Variants in ZBTB4 observed in about 807,000 individuals in gnomAD.
The protein encoded by ZBTB4 is zinc finger and BTB domain-containing protein 4.
ZBTB4 carries 14 observed loss-of-function variants against 59.8 expected under a neutral mutation model. That is an observed-to-expected ratio of 0.23 (90% confidence interval 0.15 to 0.37). The LOEUF is 0.37. Among genes scored for constraint, ZBTB4 ranks in the 10% least tolerant of loss-of-function variants. ZBTB4 has a pLI of 1.00. For missense variants in ZBTB4, 1,198 were observed against 1,380.8 expected (o/e 0.87, Z 2.10); for synonymous variants, 587 against 575.2 (o/e 1.02, Z -0.29).
intron 1 of ZBTB4, among the ~76,000 whole-genome samples, chr17:7,474,220 C>CCTTTTT (rs2070237735): frequency 8.6e-6 from 1 of 116,118 alleles, no homozygotes; most frequent in Non-Finnish European, 1.7e-5. Context: ...CATGGCCAGA[C>CCTTTTT]TTTTTTTTTT....
intron 1 of ZBTB4, among the ~76,000 whole-genome samples, chr17:7,472,009 T>G (rs2070203748): frequency 6.6e-6 from 1 of 152,146 alleles, no homozygotes; most frequent in Non-Finnish European, 1.5e-5. Flanking sequence ...CCCTACATCT[T>G]GCGGTTCCCT....
chr17:7,479,901 C>T (rs944871204), upstream of ZBTB4, among the ~76,000 whole-genome samples: 1 of 152,066 alleles, frequency 6.6e-6, no homozygotes, highest in Middle Eastern at 3.4e-3. Flanking sequence ...AGGGAAAGGG[C>T]TCCCTCCGCC....
At position 7,461,601 on chromosome 17, in the gene ZBTB4, T is replaced by G; in HGVS notation, c.*339A>C. The G allele has an allele frequency of 4.5e-6, 1 of 221,024 alleles. No individual in the cohort carries two copies. The highest frequency in any genetic ancestry group is 8.9e-6 in the Non-Finnish European group (1 of 112,410). The allele number at this position is 221,024 out of a possible 1,614,324, so 13.7% of individuals were successfully genotyped here. On this transcript the variant is annotated 3_prime_UTR_variant, in exon 4 of 4. Coordinates refer to ENST00000380599, the MANE Select transcript of ZBTB4 (RefSeq NM_001128833.2). ...TAGGTTTACGAATCAGGGGAGCAGGTTAGACATTCAGAGCTGGTGGGGGCT... is the reference window on the plus strand; with the variant it reads ...TAGGTTTACGAATCAGGGGAGCAGGGTAGACATTCAGAGCTGGTGGGGGCT...
At chr17:7,468,443 A>G (rs1281836468) in intron 1 of ZBTB4, among the ~76,000 whole-genome samples, 1 of 152,158 alleles carries the variant, frequency 6.6e-6, no homozygotes, top group Non-Finnish European at 1.5e-5. Context: ...AGTCAGCAGC[A>G]GAGAAAGCAC....
chr17:7,469,865 C>T (rs975310031), intron 1 of ZBTB4, among the ~76,000 whole-genome samples: 2 of 152,102 alleles, frequency 1.3e-5, no homozygotes, highest in African/African-American at 4.8e-5. Context: ...GGGTGGATCG[C>T]GAGGTCAAGA....
Position 7,462,901 on chromosome 17 carries a change from C to T in ZBTB4, c.2081G>A (p.Arg694Gln), listed in dbSNP as rs536198111. The change falls in exon 4 of 4, where the codon CGG becomes CAG. Residue 694 changes from arginine (R) to glutamine (Q), a missense_variant. Coordinates refer to ENST00000380599, the MANE Select transcript of ZBTB4 (RefSeq NM_001128833.2). This position sits in a 1 kb window ranked among gnomAD's most constrained non-coding sequence, Gnocchi z 7.5. ...CAGCTTCTGCCTCCAACGTGGTGGC[C>T]GGCGGCCTCGGGGCAGCCCACTGCC... ...VGGSGLPRGR[R>Q]PPRWRQKLER... 6.2e-6 allele frequency: 10 copies of T among 1,608,504 alleles called. No homozygotes were observed. The highest frequency in any genetic ancestry group is 8.5e-6 in the Non-Finnish European group (10 of 1,179,804).
chr17:7,463,780 G>A lies in ZBTB4; in HGVS notation c.1202C>T (p.Pro401Leu), dbSNP rs759338954. The part of the protein sequence containing the change: ...SPGLLASEKT[P>L]NGGYKPKLNT... ...GAGCTTGGGCTTGTAGCCTCCATTGGGTGTCTTCTCACTGGCAAGGAGGCC... is the reference window on the plus strand; with the variant it reads ...GAGCTTGGGCTTGTAGCCTCCATTGAGTGTCTTCTCACTGGCAAGGAGGCC... Residue 401 changes from proline (P) to leucine (L), a missense_variant, in exon 4 of 4, where the codon CCC becomes CTC. Pro to Leu is a moderately conservative substitution (Grantham distance 98, BLOSUM62 -3). Transcript: ENST00000380599. 6.2e-7 allele frequency: 1 copy of A among 1,614,138 alleles called. No homozygotes were observed. Among genetic ancestry groups the A allele is most frequent in the Non-Finnish European group, 8.5e-7 (1 of 1,180,024 alleles).
Position 7,462,940 on chromosome 17 carries a change from C to T in ZBTB4, c.2042G>A (p.Gly681Asp). The T allele has an allele frequency of 6.2e-7, 1 of 1,608,880 alleles. No homozygotes were observed. The highest frequency in any genetic ancestry group is 8.5e-7 in the Non-Finnish European group (1 of 1,178,540). ...KPKRKAGAAG[G>D]ASVGGSGLPR... ...CAGCCCACTGCCCCCCACACTGGCA[C>T]CTCCAGCAGCTCCAGCCTTGCGCTT... is the stretch of plus-strand genomic sequence containing the variant. The change falls in exon 4 of 4, where the codon GGT becomes GAT. Residue 681 changes from glycine (G) to aspartate (D), a missense_variant. Coordinates refer to ENST00000380599, the MANE Select transcript of ZBTB4 (RefSeq NM_001128833.2). The surrounding 1 kb of genome is among the most constrained non-coding windows in gnomAD (Gnocchi z 7.5).
intron 2 of ZBTB4, 124 bp downstream of exon 2, chr17:7,467,133 A>G (rs2150856238): frequency 1.8e-6 from 2 of 1,141,240 alleles, no homozygotes; most frequent in Non-Finnish European, 2.2e-6. Flanking sequence ...AAGGAGGAGG[A>G]AGCTCCACAA....
chr17:7,466,165 A>T lies in ZBTB4; in HGVS notation c.637T>A (p.Trp213Arg). ...FGPGPRPAGE[W>R]EGDRAEAQAP... ...TGGGCCTCAGCCCTGTCACCCTCCCACTCCCCAGCTGGCCTGGGCCCGGGC... is the reference window on the plus strand; with the variant it reads ...TGGGCCTCAGCCCTGTCACCCTCCCTCTCCCCAGCTGGCCTGGGCCCGGGC... Residue 213 changes from tryptophan to arginine, a missense_variant, in exon 3 of 4, where the codon TGG (tryptophan) becomes AGG (arginine). Transcript: ENST00000380599. This position sits in a 1 kb window ranked among gnomAD's most constrained non-coding sequence, Gnocchi z 9.1. 6.2e-7 allele frequency: 1 copy of T among 1,612,312 alleles called. No individual in the cohort carries two copies. The highest frequency in any genetic ancestry group is 8.5e-7 in the Non-Finnish European group (1 of 1,179,654).
chr17:7,463,460 T>A lies in ZBTB4; in HGVS notation c.1522A>T (p.Ile508Phe), dbSNP rs781382920. 2.0e-5 allele frequency: 31 copies of A among 1,540,428 alleles called. No individual in the cohort carries two copies. Among genetic ancestry groups the A allele is most frequent in the Non-Finnish European group, 2.4e-5 (27 of 1,143,206 alleles). ...GGCCTCGGGGGAGCAGTGTAAGTGA[T>A]AACCGAGGCAGCTTGGGACCCTCCT... ...STGGSQAASVITYTAPPRPPK... is the reference protein window; with the variant it reads ...STGGSQAASVFTYTAPPRPPK... Residue 508 changes from isoleucine (I) to phenylalanine (F), a missense_variant, in exon 4 of 4, where the codon ATC (isoleucine) becomes TTC (phenylalanine). Physicochemically the swap from Ile to Phe is conservative, Grantham distance 21. This residue lies in a region of ZBTB4 where 550 missense variants were observed against 541.8 expected (regional missense o/e 1.02). Coordinates refer to ENST00000380599, the MANE Select transcript of ZBTB4 (RefSeq NM_001128833.2).
chr17:7,466,956 T>A lies in ZBTB4; in HGVS notation c.-9-146A>T. The stretch of plus-strand genomic sequence containing the variant: ...CACTTCTGGTCACAGAAGTCAGGGG[T>A]TGGCCCTTAGCCACCCAAGTCTGGC... On this transcript the variant is annotated intron_variant, in intron 2 of 3. Coordinates refer to ENST00000380599, the MANE Select transcript of ZBTB4 (RefSeq NM_001128833.2). The surrounding 1 kb of genome is among the most constrained non-coding windows in gnomAD (Gnocchi z 9.1). The A allele has an allele frequency of 7.2e-7, 1 of 1,396,768 alleles. No homozygotes were observed. The highest frequency in any genetic ancestry group is 9.4e-7 in the Non-Finnish European group (1 of 1,067,510). The allele number at this position is 1,396,768 out of a possible 1,614,324, so 86.5% of individuals were successfully genotyped here.
intron 3 of ZBTB4, among the ~76,000 whole-genome samples, chr17:7,464,597 G>C (rs1384984190): frequency 2.0e-5 from 3 of 151,970 alleles, no homozygotes; most frequent in Non-Finnish European, 4.4e-5. Flanking sequence ...CAGCACTTTG[G>C]GAGGCTGAGG....
At chr17:7,471,416 G>A (rs939664337) in intron 1 of ZBTB4, among the ~76,000 whole-genome samples, 1 of 152,088 alleles carries the variant, frequency 6.6e-6, no homozygotes, top group East Asian at 1.9e-4. Context: ...TACTTATGAT[G>A]TGCAAAGTAT....
chr17:7,466,791 G>T lies in ZBTB4; in HGVS notation c.11C>A (p.Pro4His). 1 of 1,555,652 alleles carries T rather than the reference G, an allele frequency of 6.4e-7. No homozygotes were observed. Among genetic ancestry groups the T allele is most frequent in the East Asian group, 2.3e-5 (1 of 43,142 alleles). ...ATGGGACGGGTCCGTCACCTCTGCA[G>T]GGGGGGGCATGGTGCCAGCCTAGAC... The part of the protein sequence containing the change: MPP[P>H]AEVTDPSHAP... Residue 4 changes from proline (P) to histidine (H), a missense_variant, in exon 3 of 4, where the codon CCT (proline) becomes CAT (histidine). Around this residue, in one of 9 missense-constraint regions of ZBTB4, gnomAD observed 44 missense variants for 86.2 expected, o/e 0.51. Coordinates refer to ENST00000380599, the MANE Select transcript of ZBTB4 (RefSeq NM_001128833.2). This position sits in a 1 kb window ranked among gnomAD's most constrained non-coding sequence, Gnocchi z 9.1.
At position 7,461,850 on chromosome 17, in the gene ZBTB4, C is replaced by T. The variant is rs2070024501; in HGVS notation, c.*90G>A. On this transcript the variant is annotated 3_prime_UTR_variant, in exon 4 of 4. Coordinates refer to ENST00000380599, the MANE Select transcript of ZBTB4 (RefSeq NM_001128833.2). ...GTCCCTGCACAAGAGTGTGAAGGGG[C>T]TCCCAAGGGGCAGGGAGGCCAGGGA... 1 of 1,237,774 alleles carries T rather than the reference C, an allele frequency of 8.1e-7. No individual in the cohort carries two copies. The highest frequency in any genetic ancestry group is 1.1e-6 in the Non-Finnish European group (1 of 889,918). The allele number at this position is 1,237,774 out of a possible 1,614,324, so 76.7% of individuals were successfully genotyped here.
rs963288073 is a variant in ZBTB4 at position 7,473,999 on chromosome 17, C to T, written c.-81+5457G>A. ...ATGATCTCTCTCGGCTCACTGCAAC[C>T]TCTGCCTCCTGGGTTCAAGCAATTT... is the stretch of plus-strand genomic sequence containing the variant. On this transcript the variant is annotated intron_variant, in intron 1 of 3. Coordinates refer to ENST00000380599, the MANE Select transcript of ZBTB4 (RefSeq NM_001128833.2). 2.6e-5 allele frequency among the ~76,000 whole-genome samples: 4 copies of T among 151,850 alleles called. No individual in the cohort carries two copies. In the South Asian group the frequency reaches 8.3e-4, roughly 32 times the overall value.
rs538604322 is a variant in ZBTB4, at chr17:7,476,038, G to A, written c.-81+3418C>T. ...GTCATCAAGTGTGGCTGAAATCGCC[G>A]CCGAGCTTGGGAATGGCTCTGGAAA... is the stretch of plus-strand genomic sequence containing the variant. On this transcript the variant is annotated intron_variant, in intron 1 of 3. Transcript: ENST00000380599. Among the ~76,000 whole-genome samples, 10 of 152,230 alleles carry A rather than the reference G, an allele frequency of 6.6e-5. No homozygotes were observed. In the East Asian group the frequency reaches 7.7e-4, roughly 12 times the overall value.
intron 1 of ZBTB4, among the ~76,000 whole-genome samples, chr17:7,471,965 TGAG>T (rs1392900690): frequency 6.6e-6 from 1 of 152,182 alleles, no homozygotes; most frequent in Non-Finnish European, 1.5e-5. Context: ...GATGTGCCAC[TGAG>T]GTGGGGATCT....
Sources: gnomAD v4.1 joint callset for allele counts (sites outside exome capture counted in the v4.1 genomes callset) on GRCh38, gnomAD v4.1.1 for gene constraint, gnomAD v4.1.1 regional missense constraint, Gnocchi (gnomAD v3.1) non-coding constraint, MANE v1.5 for transcripts, NCBI Gene and HGNC (gene_info 2026-07-23, HGNC 2026-07-21) for gene names.